FHIT: variants seen among roughly 807,000 people sequenced by gnomAD.
FHIT encodes the protein bis(5'-adenosyl)-triphosphatase.
A neutral mutation model predicts 17.9 loss-of-function variants in FHIT; 19 were observed. The ratio of observed to expected loss-of-function variants is 1.06; its 90% CI spans 0.74 to 1.56. FHIT has a LOEUF of 1.56. FHIT is among the 40% of genes most tolerant of loss of function. FHIT has a pLI of 0.00. For synonymous variants in FHIT, 81 were observed against 69.7 expected (o/e 1.16, Z -0.81); for missense variants, 248 against 189.2 (o/e 1.31, Z -1.82).
chr3:60,411,207 G>T (rs997437163), intron 5 of FHIT, among the ~76,000 whole-genome samples: 1 of 152,052 alleles, frequency 6.6e-6, no homozygotes, highest in African/African-American at 2.4e-5. Flanking sequence ...GAAAAATCTT[G>T]AACTAGTTCT....
chr3:61,080,765 C>A (rs1435491704), intron 2 of FHIT, among the ~76,000 whole-genome samples: 1 of 151,940 alleles, frequency 6.6e-6, no homozygotes, highest in African/African-American at 2.4e-5. Context: ...GCCCTGACAG[C>A]TTTGAAAGAG....
At chr3:60,217,552 C>T (rs568128589) in intron 5 of FHIT, among the ~76,000 whole-genome samples, 109 of 152,304 alleles carry the variant, frequency 7.2e-4, no homozygotes, top group African/African-American at 2.1e-3. Flanking sequence ...CTAACACCCC[C>T]TTTCTAAATC....
At chr3:60,494,725 G>A (rs2611401) in intron 5 of FHIT, among the ~76,000 whole-genome samples, 148,554 of 152,268 alleles carry the variant, frequency 0.98, 72,585 homozygotes, top group East Asian at 1. Context: ...AGAACATACA[G>A]TATTTGTCTT....
intron 4 of FHIT, among the ~76,000 whole-genome samples, chr3:60,614,836 T>G (rs1170690781): frequency 1.2e-4 from 9 of 74,276 alleles, no homozygotes; most frequent in Admixed American, 3.0e-4. Flanking sequence ...TTTTTGTTTT[T>G]TTTTTGTTTT....
intron 5 of FHIT, among the ~76,000 whole-genome samples, chr3:60,191,028 T>C (rs1365424332): frequency 5.3e-5 from 8 of 152,234 alleles, no homozygotes; most frequent in Admixed American, 4.6e-4. Flanking sequence ...TTATTGAACA[T>C]CTGCTTTGCT....
chr3:59,757,346 A>C (rs1156670613), intron 8 of FHIT, among the ~76,000 whole-genome samples: 5 of 152,230 alleles, frequency 3.3e-5, no homozygotes, highest in Admixed American at 6.5e-5. Flanking sequence ...ATCTTCAGTC[A>C]TCCCACTTTA....
At chr3:60,728,867 C>A (rs1553710368) in intron 4 of FHIT, among the ~76,000 whole-genome samples, 1 of 152,138 alleles carries the variant, frequency 6.6e-6, no homozygotes, top group African/African-American at 2.4e-5. Flanking sequence ...AAACTCATTA[C>A]TTGTAGTTTT....
intron 4 of FHIT, among the ~76,000 whole-genome samples, chr3:60,565,790 T>C (rs936094013): frequency 2.0e-4 from 31 of 152,182 alleles, no homozygotes; most frequent in Non-Finnish European, 4.0e-4. Context: ...AGTTATTTCT[T>C]GCCTTCTGCT....
intron 5 of FHIT, among the ~76,000 whole-genome samples, chr3:60,506,544 G>A (rs571144784): frequency 7.2e-5 from 11 of 152,198 alleles, no homozygotes; most frequent in African/African-American, 2.2e-4. Flanking sequence ...CTCCTACATC[G>A]TGGGAGGAGT....
At chr3:60,572,644 A>G (rs1460204628) in intron 4 of FHIT, among the ~76,000 whole-genome samples, 8 of 151,748 alleles carry the variant, frequency 5.3e-5, no homozygotes, top group Non-Finnish European at 1.0e-4. Context: ...TTCTTTTCCT[A>G]CTCCCTACAC....
chr3:60,871,815 G>GTAGT (rs1553755100), intron 3 of FHIT, among the ~76,000 whole-genome samples: 3 of 151,640 alleles, frequency 2.0e-5, no homozygotes, highest in Admixed American at 6.6e-5. Flanking sequence ...TTTTTTGAAT[G>GTAGT]TATTTATTTA....
At position 60,785,894 on chromosome 3, in the gene FHIT, A is replaced by AAAACACACACACAC. The variant is rs782044415; in HGVS notation, c.-18+36024_-18+36025insGTGTGTGTGTGTTT. ...AAGCTAACTCAAATGCAACAAACAG[A>AAAACACACACACAC]AGACACACACACACACACACACACA... On this transcript the variant is annotated intron_variant, in intron 4 of 9. Coordinates refer to ENST00000492590, the MANE Select transcript of FHIT (RefSeq NM_002012.4). 2.2e-3 allele frequency among the ~76,000 whole-genome samples: 154 copies of AAAACACACACACAC among 70,244 alleles called. 1 individual carries two copies. Among genetic ancestry groups the AAAACACACACACAC allele is most frequent in the African/African-American group, 7.3e-3 (134 of 18,290 alleles). The allele number at this position is 70,244 out of a possible 152,430, so 46.1% of individuals were successfully genotyped here. A position where few individuals can be genotyped will look rare whatever the true frequency, so the allele number is the denominator to read the frequency against.
At chr3:60,249,467 C>T (rs956402897) in intron 5 of FHIT, among the ~76,000 whole-genome samples, 2 of 152,072 alleles carry the variant, frequency 1.3e-5, no homozygotes, top group Non-Finnish European at 2.9e-5. Context: ...GGCAAAATCC[C>T]ATCACCCTGT....
intron 5 of FHIT, among the ~76,000 whole-genome samples, chr3:60,105,389 C>A (rs762297454): frequency 6.6e-6 from 1 of 152,150 alleles, no homozygotes; most frequent in African/African-American, 2.4e-5. Flanking sequence ...GTGCTCTATG[C>A]CAACAAAGAA....
At chr3:60,094,844 G>A (rs539885731) in intron 5 of FHIT, among the ~76,000 whole-genome samples, 10 of 150,442 alleles carry the variant, frequency 6.6e-5, no homozygotes, top group East Asian at 2.0e-4. Context: ...AAGGAGAGAG[G>A]GAGAGAAAAA....
chr3:60,077,692 A>ACCCC (rs1337065981), intron 5 of FHIT, among the ~76,000 whole-genome samples: 8 of 95,320 alleles, frequency 8.4e-5, no homozygotes, highest in African/African-American at 4.0e-4. Flanking sequence ...TACTTCACAC[A>ACCCC]CACACACACA....
chr3:60,628,067 T>A (rs1323168836), intron 4 of FHIT, among the ~76,000 whole-genome samples: 1 of 152,216 alleles, frequency 6.6e-6, no homozygotes. Flanking sequence ...TGAGATTTTT[T>A]AAAAATACAG....
intron 3 of FHIT, among the ~76,000 whole-genome samples, chr3:60,962,041 T>C (rs781826040): frequency 9.9e-5 from 15 of 152,214 alleles, no homozygotes; most frequent in Non-Finnish European, 2.2e-4. Flanking sequence ...TTTCACGATA[T>C]TGATTCTTCC....
At chr3:60,708,762 TTC>T (rs782086631) in intron 4 of FHIT, among the ~76,000 whole-genome samples, 8 of 152,340 alleles carry the variant, frequency 5.3e-5, no homozygotes, top group Non-Finnish European at 1.2e-4. Context: ...GGGAACAGTA[TTC>T]CCCAAAGCTT....
Sources: gnomAD v4.1 joint callset for allele counts (sites outside exome capture counted in the v4.1 genomes callset) on GRCh38, gnomAD v4.1.1 for gene constraint, MANE v1.5 for transcripts, NCBI Gene and HGNC (gene_info 2026-07-23, HGNC 2026-07-21) for gene names.